FRMPD4: variants seen among roughly 807,000 people sequenced by gnomAD.
The protein encoded by FRMPD4 is FERM and PDZ domain-containing protein 4.
Under a neutral mutation model 94.1 loss-of-function variants are expected in FRMPD4, and 22 were observed. The ratio of observed to expected loss-of-function variants is 0.23; its 90% confidence interval spans 0.17 to 0.33. FRMPD4 has a LOEUF of 0.33. Among genes scored for constraint, FRMPD4 ranks in the 10% least tolerant of loss-of-function variants. The pLI is 1.00. For synonymous variants in FRMPD4, 631 were observed against 548.6 expected (o/e 1.15, Z -2.10); for missense variants, 1,111 against 1,339.9 (o/e 0.83, Z 2.67).
At chrX:12,700,779 A>G (rs1442263186) in intron 9 of FRMPD4, among the ~76,000 whole-genome samples, 3 of 112,491 alleles carry the variant, frequency 2.7e-5, no homozygotes, top group Non-Finnish European at 5.6e-5. Flanking sequence ...GTGAGATAGT[A>G]TGAATCCCGT....
At chrX:12,638,383 T>C (rs1195213183) in intron 4 of FRMPD4, among the ~76,000 whole-genome samples, 1 of 111,682 alleles carries the variant, frequency 9.0e-6, no homozygotes, top group African/African-American at 3.3e-5. Flanking sequence ...ACTATAGGCA[T>C]GCCCCATCAT....
At chrX:12,639,010 T>A (rs2059469152) in intron 4 of FRMPD4, among the ~76,000 whole-genome samples, 1 of 111,806 alleles carries the variant, frequency 8.9e-6, no homozygotes, top group Non-Finnish European at 1.9e-5. Flanking sequence ...AATTCCAGGG[T>A]TCTTCTGGTC....
chrX:12,446,276 C>T (rs1250159615), intron 1 of FRMPD4, among the ~76,000 whole-genome samples: 1 of 112,406 alleles, frequency 8.9e-6, no homozygotes, highest in African/African-American at 3.2e-5. Flanking sequence ...ATGACAAACA[C>T]TGATGCTTGC....
In FRMPD4 at chrX:11,906,625, C is replaced by A. The variant is rs150829783; in HGVS notation, c.95+28607C>A. 6.9e-3 allele frequency among the ~76,000 whole-genome samples: 764 copies of A among 110,036 alleles called. 6 individuals carry two copies. Among genetic ancestry groups the A allele is most frequent in the African/African-American group, 0.023 (708 of 30,237 alleles). ...ACTGTATATAATGAGTTGTTTTTCT[C>A]TTGATTCTTTCAAGATTTTTCTTTT... On this transcript the variant is annotated intron_variant, in intron 3 of 18. Transcript: ENST00000640291.
At chrX:11,823,782 T>G (rs1358245782) in intron 1 of FRMPD4, among the ~76,000 whole-genome samples, 1 of 112,239 alleles carries the variant, frequency 8.9e-6, no homozygotes, top group Non-Finnish European at 1.9e-5. Flanking sequence ...TTCCTTGGGT[T>G]TCTTTTCAAT....
At chrX:12,081,143 C>T (rs1469030227) in intron 3 of FRMPD4, among the ~76,000 whole-genome samples, 1 of 111,676 alleles carries the variant, frequency 9.0e-6, no homozygotes, top group Non-Finnish European at 1.9e-5. Context: ...AACCCTGGCC[C>T]CTCATATGCT....
intron 2 of FRMPD4, among the ~76,000 whole-genome samples, chrX:12,503,497 C>T (rs1029507115): frequency 2.7e-5 from 3 of 112,207 alleles, no homozygotes; most frequent in Admixed American, 1.9e-4. Context: ...TGGAAACTTC[C>T]ACTTTGTTCT....
At chrX:12,056,790 G>T (rs746823847) in intron 3 of FRMPD4, among the ~76,000 whole-genome samples, 58 of 111,728 alleles carry the variant, frequency 5.2e-4, no homozygotes, top group African/African-American at 1.8e-3. Context: ...AACATTTCAT[G>T]ATACGAACAT....
At chrX:12,264,612 G>A (rs141952743) in intron 1 of FRMPD4, among the ~76,000 whole-genome samples, 194 of 112,360 alleles carry the variant, frequency 1.7e-3, no homozygotes, top group African/African-American at 2.9e-3. Context: ...GTAGGCTACC[G>A]TATGTTTGTT....
chrX:11,886,775 A>G (rs1251872338), intron 3 of FRMPD4, among the ~76,000 whole-genome samples: 1 of 110,386 alleles, frequency 9.1e-6, no homozygotes, highest in African/African-American at 3.3e-5. Context: ...TTCTCCATTT[A>G]ATTTTATTAT....
rs957170064 is a variant in FRMPD4 at position 12,069,043 on chromosome X, G to T, written c.95+191025G>T. 4.5e-5 allele frequency among the ~76,000 whole-genome samples: 5 copies of T among 111,908 alleles called. No individual in the cohort carries two copies. The South Asian group carries it at 1.5e-3, about 34-fold the overall frequency. ...GAGCATGCAGAATGAAGAGTGTTAGGTTGAGGTTTTTTATATAGGGAGGCT... is the reference window on the plus strand; with the variant it reads ...GAGCATGCAGAATGAAGAGTGTTAGTTTGAGGTTTTTTATATAGGGAGGCT... On this transcript the variant is annotated intron_variant, in intron 3 of 18. Transcript: ENST00000640291.
intron 1 of FRMPD4, among the ~76,000 whole-genome samples, chrX:12,186,916 C>T (rs1182498421): frequency 8.9e-6 from 1 of 111,891 alleles, no homozygotes; most frequent in East Asian, 2.8e-4. Context: ...TATGTCTCGG[C>T]AAAAGCCATG....
intron 1 of FRMPD4, among the ~76,000 whole-genome samples, chrX:11,827,585 G>T (rs1601788997): frequency 9.0e-6 from 1 of 111,237 alleles, no homozygotes; most frequent in East Asian, 2.8e-4. Flanking sequence ...TGAAGAATTT[G>T]TCTGTTCGTA....
At chrX:12,105,508 A>G (rs375456127) in intron 3 of FRMPD4, among the ~76,000 whole-genome samples, 8 of 112,353 alleles carry the variant, frequency 7.1e-5, no homozygotes, top group African/African-American at 2.6e-4. Context: ...TTGTAGTAAC[A>G]TCAGAATTAT....
chrX:12,351,166 A>G (rs1450100313), intron 1 of FRMPD4, among the ~76,000 whole-genome samples: 1 of 65,894 alleles, frequency 1.5e-5, no homozygotes, highest in Non-Finnish European at 2.7e-5. Context: ...GTGAGACTCC[A>G]CCTCACAAAA....
chrX:12,456,158 A>AAAT (rs1228427483), intron 1 of FRMPD4, among the ~76,000 whole-genome samples: 1 of 112,236 alleles, frequency 8.9e-6, no homozygotes, highest in African/African-American at 3.2e-5. Context: ...TAGAGAGAAT[A>AAAT]AATTAAAATA....
chrX:11,987,129 A>G (rs1246092779), intron 3 of FRMPD4, among the ~76,000 whole-genome samples: 7 of 96,034 alleles, frequency 7.3e-5, no homozygotes, highest in African/African-American at 2.3e-4. Flanking sequence ...AAAAAAAAAA[A>G]CAACTACAGG....
chrX:11,949,707 A>G (rs762378813), intron 3 of FRMPD4, among the ~76,000 whole-genome samples: 2 of 111,110 alleles, frequency 1.8e-5, no homozygotes, highest in Non-Finnish European at 3.8e-5. Flanking sequence ...GGTTGCTTCA[A>G]TAGGTGGTGA....
chrX:12,292,597 A>G (rs1259489530), intron 1 of FRMPD4, among the ~76,000 whole-genome samples: 1 of 111,522 alleles, frequency 9.0e-6, no homozygotes, highest in Non-Finnish European at 1.9e-5. Flanking sequence ...TTTAGCTTGT[A>G]ATTGAGGAAA....
Sources: allele counts gnomAD v4.1 joint callset (sites outside exome capture counted in the v4.1 genomes callset), GRCh38; gene constraint gnomAD v4.1.1; transcripts MANE v1.5; gene names NCBI Gene and HGNC (gene_info 2026-07-23, HGNC 2026-07-21).